RGS14: variants seen among roughly 807,000 people sequenced by gnomAD.
RGS14 encodes regulator of G-protein signaling 14.
Under a neutral mutation model 63.8 loss-of-function variants are expected in RGS14, and 33 were observed. The ratio of observed to expected loss-of-function variants is 0.52; its 90% CI spans 0.39 to 0.69. The LOEUF is 0.69. Ranked by LOEUF, RGS14 falls within the 30% of genes least tolerant of loss-of-function variation. The probability of loss-of-function intolerance (pLI) is 0.00; values close to 1 mark genes in which losing one functional copy is unlikely to be tolerated. For missense variants in RGS14, 739 were observed against 742.9 expected (o/e 0.99, Z 0.06); for synonymous variants, 296 against 320.9 (o/e 0.92, Z 0.83).
chr5:177,360,097 C>G (rs887704989), intron 1 of RGS14, among the ~76,000 whole-genome samples: 12 of 152,186 alleles, frequency 7.9e-5, no homozygotes. Flanking sequence ...CTCCCAGCCC[C>G]CTTCCTAGGG....
rs779294510 is a variant in RGS14 at position 177,372,089 on chromosome 5, G to A, written c.*14G>A. The A allele has an allele frequency of 4.3e-6, 7 of 1,610,128 alleles. No individual in the cohort carries two copies. The highest frequency in any genetic ancestry group is 5.9e-6 in the Non-Finnish European group (7 of 1,177,210). ...TCAGCCCTCTGACAGCTACCCAACA[G>A]TCCAGGACAGCTGCATGGCACCCGG... is the stretch of plus-strand genomic sequence containing the variant. On this transcript the variant is annotated 3_prime_UTR_variant, in exon 15 of 15. Transcript: ENST00000408923.
chr5:177,368,709 T>A lies in RGS14; in HGVS notation c.850-8T>A. ...CACATAATCTCCCCCACTCCTGCCA[T>A]GAATCAGAGCCACCGGAAGAGCCTT... On this transcript the variant is annotated splice_region_variant and splice_polypyrimidine_tract_variant and intron_variant, in intron 8 of 14. Coordinates refer to ENST00000408923, the MANE Select transcript of RGS14 (RefSeq NM_006480.5). 6.2e-7 allele frequency: 1 copy of A among 1,613,900 alleles called. No homozygotes were observed. Among genetic ancestry groups the A allele is most frequent in the Non-Finnish European group, 8.5e-7 (1 of 1,179,962 alleles).
chr5:177,367,215 A>G (rs901736010), intron 5 of RGS14, 181 bp downstream of exon 5: 2 of 1,085,774 alleles, frequency 1.8e-6, no homozygotes, highest in South Asian at 1.6e-5. Context: ...ACGGGGAAGG[A>G]CAGTTAGAGG....
At position 177,367,477 on chromosome 5, in the gene RGS14, T is replaced by A. The variant is rs756222610; in HGVS notation, c.547T>A (p.Cys183Ser). ...CGTCAAGTCCCCGCTGTACCGCGAG[T>A]GCCTGCTAGCCGAAGCCGAGGGACG... ...RFVKSPLYRE[C>S]LLAEAEGRPL... is the part of the protein sequence containing the mutation. Residue 183 changes from cysteine to serine, a missense_variant, in exon 6 of 15, where the codon TGC (cysteine) becomes AGC (serine). Transcript: ENST00000408923. 1 of 1,612,812 alleles carries A rather than the reference T, an allele frequency of 6.2e-7. No homozygotes were observed. Among genetic ancestry groups the A allele is most frequent in the South Asian group, 1.1e-5 (1 of 90,808 alleles).
chr5:177,368,308 G>A (rs772513579), intron 8 of RGS14, 42 bp downstream of exon 8: 2 of 1,572,060 alleles, frequency 1.3e-6, no homozygotes, highest in African/African-American at 2.7e-5. Flanking sequence ...CTATGGGCTA[G>A]AGTCACTACT....
At position 177,368,747 on chromosome 5, in the gene RGS14, G is replaced by T. The variant is rs907920745; in HGVS notation, c.880G>T (p.Gly294Cys). ...CCGGAAGAGCCTTGGGAGCACGGAG[G>T]GTGAAAGTGAAAGCCGGCCAGGGAA... is the stretch of plus-strand genomic sequence containing the variant. The part of the protein sequence containing the change: ...SHRKSLGSTE[G>C]ESESRPGKYC... Residue 294 changes from glycine to cysteine, a missense_variant, in exon 9 of 15, where the codon GGT (glycine) becomes TGT (cysteine). Transcript: ENST00000408923. 1 of 1,614,224 alleles carries T rather than the reference G, an allele frequency of 6.2e-7. No individual in the cohort carries two copies. Among genetic ancestry groups the T allele is most frequent in the Non-Finnish European group, 8.5e-7 (1 of 1,180,040 alleles).
intron 2 of RGS14, 43 bp from the exon 3 acceptor site, chr5:177,366,134 G>T (rs777258560): frequency 6.2e-7 from 1 of 1,602,402 alleles, no homozygotes; most frequent in Non-Finnish European, 8.5e-7. Flanking sequence ...CAGGGGCTGG[G>T]GAAGGCAGCA....
At chr5:177,370,503 T>G in intron 9 of RGS14, 88 bp from the exon 10 acceptor site, 2 of 1,170,756 alleles carry the variant, frequency 1.7e-6, no homozygotes, top group Non-Finnish European at 2.6e-6. Context: ...GTGGTGGCCA[T>G]GGGAGGGCGT....
At chr5:177,361,931 T>C (rs1761974390) in intron 1 of RGS14, among the ~76,000 whole-genome samples, 1 of 152,152 alleles carries the variant, frequency 6.6e-6, no homozygotes, top group Non-Finnish European at 1.5e-5. Flanking sequence ...AGGCCAGCCC[T>C]GCTCAACACA....
At position 177,370,732 on chromosome 5, in the gene RGS14, C is replaced by T. The variant is rs1023139912; in HGVS notation, c.1127+68C>T. The T allele has an allele frequency of 7.6e-6, 12 of 1,576,094 alleles. No individual in the cohort carries two copies. The African/African-American group carries it at 1.3e-4, about 18-fold the overall frequency. ...TCCCTTCAGGCCCTGTTCTAGCTACCTGGCTCCCCAGGCCCCGCCCCTCGT... is the reference window on the plus strand; with the variant it reads ...TCCCTTCAGGCCCTGTTCTAGCTACTTGGCTCCCCAGGCCCCGCCCCTCGT... On this transcript the variant is annotated intron_variant, in intron 10 of 14. Transcript: ENST00000408923.
At chr5:177,360,566 T>TAA (rs750301708) in intron 1 of RGS14, among the ~76,000 whole-genome samples, 58 of 64,812 alleles carry the variant, frequency 8.9e-4, no homozygotes, top group South Asian at 3.3e-3. Flanking sequence ...GATCCTATAT[T>TAA]AAAAAAAAAA....
rs199501548 is a variant in RGS14 at position 177,363,327 on chromosome 5, C to T, written c.46-2636C>T. ...GGGCCAGGAGGGGCGGGGCCGGAGA[C>T]GGGGGCGGGGCGCGCTGGGCCCGAC... is the stretch of plus-strand genomic sequence containing the variant. On this transcript the variant is annotated intron_variant, in intron 1 of 14. Transcript: ENST00000408923. 3.1e-4 allele frequency among the ~76,000 whole-genome samples: 45 copies of T among 143,910 alleles called. 2 individuals carry two copies. In the East Asian group the frequency reaches 0.011, roughly 34 times the overall value. 94.4% of individuals were successfully genotyped at this position (143,910 alleles called of 152,430 possible).
rs954456982 is a variant in RGS14, at chr5:177,368,095, G to C, written c.740-62G>C. ...AACAAGGCCCACCAGTGGGGAACAG[G>C]CTTCCGCAGAGGATGGGTGAGGGCG... On this transcript the variant is annotated intron_variant, in intron 7 of 14. Transcript: ENST00000408923. 6 of 1,576,686 alleles carry C rather than the reference G, an allele frequency of 3.8e-6. No individual in the cohort carries two copies. In the African/African-American group the frequency reaches 8.1e-5, roughly 21 times the overall value.
intron 5 of RGS14, 82 bp from the exon 6 acceptor site, chr5:177,367,332 G>C: frequency 6.7e-7 from 1 of 1,485,828 alleles, no homozygotes; most frequent in Non-Finnish European, 9.1e-7. Context: ...GGCGGGGCCA[G>C]CCCCAAGGAC....
In RGS14 at chr5:177,367,789, C is replaced by T. The variant is rs1331134158; in HGVS notation, c.703C>T (p.Pro235Ser). 3.7e-6 allele frequency: 6 copies of T among 1,610,352 alleles called. No individual in the cohort carries two copies. Among genetic ancestry groups the T allele is most frequent in the Non-Finnish European group, 4.2e-6 (5 of 1,178,674 alleles). Residue 235 changes from proline (P) to serine (S), a missense_variant, in exon 7 of 15, where the codon CCT (proline) becomes TCT (serine). Physicochemically the swap from Pro to Ser is moderately conservative, Grantham distance 74. Transcript: ENST00000408923. Reference sequence around the variant, plus strand: ...GGGGCAGCTGCCACCCGTTGAGGGTCCTGGGGGCCGCCCTCTCCGCAAGTC... The same window carrying T: ...GGGGCAGCTGCCACCCGTTGAGGGTTCTGGGGGCCGCCCTCTCCGCAAGTC... ...ELGQLPPVEG[P>S]GGRPLRKSFR... is the part of the protein sequence containing the mutation.
rs1761867932 is a variant in RGS14 at position 177,358,154 on chromosome 5, G to A, written c.45+85G>A. ...CCAGGAGGCACACCCGGCAGGGCCA[G>A]GCAAGAGCCCACGGGCTGCCAGCAG... is the stretch of plus-strand genomic sequence containing the variant. On this transcript the variant is annotated intron_variant, in intron 1 of 14. Transcript: ENST00000408923. This position sits in a 1 kb window ranked among gnomAD's most constrained non-coding sequence, Gnocchi z 4.8. The A allele has an allele frequency of 6.1e-6, 7 of 1,147,272 alleles. No individual in the cohort carries two copies. Among genetic ancestry groups the A allele is most frequent in the Non-Finnish European group, 6.7e-6 (6 of 893,334 alleles). 71.1% of individuals were successfully genotyped at this position (1,147,272 alleles called of 1,614,324 possible). A position where few individuals can be genotyped will look rare whatever the true frequency, so the allele number is the denominator to read the frequency against.
chr5:177,362,327 T>C (rs578169993), intron 1 of RGS14, among the ~76,000 whole-genome samples: 1 of 152,170 alleles, frequency 6.6e-6, no homozygotes, highest in East Asian at 1.9e-4. Flanking sequence ...GAGTCCCTAG[T>C]GAAGGGGTGC....
intron 9 of RGS14, among the ~76,000 whole-genome samples, chr5:177,369,598 G>C (rs1448209779): frequency 6.6e-6 from 1 of 152,254 alleles, no homozygotes; most frequent in African/African-American, 2.4e-5. Flanking sequence ...TTGGGAGAGG[G>C]TAGGCATTTC....
Position 177,368,194 on chromosome 5 carries a change from G to C in RGS14, c.777G>C (p.Glu259Asp). 1 of 1,613,960 alleles carries C rather than the reference G, an allele frequency of 6.2e-7. No homozygotes were observed. Among genetic ancestry groups the C allele is most frequent in the South Asian group, 1.1e-5 (1 of 91,088 alleles). ...CTGCAAACGCCGCCTTGCGCCGAGA[G>C]TCTCAGGGCTCCCTCAACTCCTCCG... ...GGTANAALRR[E>D]SQGSLNSSAS... Residue 259 changes from glutamate (E) to aspartate (D), a missense_variant, in exon 8 of 15, where the codon GAG (glutamate) becomes GAC (aspartate). Coordinates refer to ENST00000408923, the MANE Select transcript of RGS14 (RefSeq NM_006480.5).
Sources: allele counts gnomAD v4.1 joint callset (sites outside exome capture counted in the v4.1 genomes callset), GRCh38; gene constraint gnomAD v4.1.1; non-coding constraint Gnocchi (gnomAD v3.1); transcripts MANE v1.5; gene names NCBI Gene and HGNC (gene_info 2026-07-23, HGNC 2026-07-21).